Variants in VPS41 observed in about 807,000 individuals in gnomAD.
The protein encoded by VPS41 is VPS41 subunit of HOPS complex.
VPS41 carries 85 observed loss-of-function variants against 130.9 expected under a neutral mutation model. The ratio of observed to expected loss-of-function variants is 0.65; its 90% CI spans 0.55 to 0.78. VPS41 has a LOEUF of 0.78. VPS41 is among the 30% of genes least tolerant of loss of function. VPS41 has a pLI of 0.00. For synonymous variants in VPS41, 335 were observed against 332.9 expected (o/e 1.01, Z -0.07); for missense variants, 874 against 1,018.7 (o/e 0.86, Z 1.93).
rs1795537171 is a variant in VPS41 at position 38,726,175 on chromosome 7, C to G, written c.*71G>C. 1 of 1,054,108 alleles carries G rather than the reference C, an allele frequency of 9.5e-7. No individual in the cohort carries two copies. The highest frequency in any genetic ancestry group is 1.5e-6 in the Non-Finnish European group (1 of 674,376). The allele number at this position is 1,054,108 out of a possible 1,614,324, so 65.3% of individuals were successfully genotyped here. On this transcript the variant is annotated 3_prime_UTR_variant, in exon 29 of 29. Transcript: ENST00000310301. ...AATCTCTTAACAGCACGAGTGTCAACAAATGCTTTTGTTGTTGCAAAAACA... is the reference window on the plus strand; with the variant it reads ...AATCTCTTAACAGCACGAGTGTCAAGAAATGCTTTTGTTGTTGCAAAAACA...
intron 7 of VPS41, among the ~76,000 whole-genome samples, chr7:38,806,999 C>G (rs1784850987): frequency 6.6e-6 from 1 of 152,208 alleles, no homozygotes; most frequent in African/African-American, 2.4e-5. Flanking sequence ...TGAACATTTT[C>G]CAAGTCGTGG....
chr7:38,863,683 G>A (rs1786167691), intron 3 of VPS41, among the ~76,000 whole-genome samples: 1 of 151,958 alleles, frequency 6.6e-6, no homozygotes, highest in South Asian at 2.1e-4. Context: ...CTTTTTTCAG[G>A]AAGAAAAAAG....
intron 4 of VPS41, among the ~76,000 whole-genome samples, chr7:38,856,991 T>C (rs1786001573): frequency 6.6e-6 from 1 of 152,174 alleles, no homozygotes; most frequent in Non-Finnish European, 1.5e-5. Context: ...AGCTAGATAG[T>C]TAGGACTTGA....
At chr7:38,774,548 T>C (rs528526033) in intron 11 of VPS41, among the ~76,000 whole-genome samples, 2 of 150,798 alleles carry the variant, frequency 1.3e-5, no homozygotes, top group African/African-American at 2.4e-5. Context: ...TTGAAACAAC[T>C]GAAAAAAAAT....
At chr7:38,789,040 T>A (rs10951575) in intron 10 of VPS41, among the ~76,000 whole-genome samples, 151,327 of 152,268 alleles carry the variant, frequency 0.99, 75,201 homozygotes, top group African/African-American at 1. Context: ...TTTTCTCAGA[T>A]TAATTTTTTC....
chr7:38,741,053 T>G (rs1208666421), intron 25 of VPS41, among the ~76,000 whole-genome samples: 1 of 152,196 alleles, frequency 6.6e-6, no homozygotes. Flanking sequence ...CTGCAATATC[T>G]TCTCCTTTCC....
chr7:38,839,462 G>A (rs765853889), intron 4 of VPS41, among the ~76,000 whole-genome samples: 38 of 151,964 alleles, frequency 2.5e-4, no homozygotes, highest in Non-Finnish European at 4.7e-4. Flanking sequence ...TCGCTCTGTC[G>A]CACAGGCTGG....
chr7:38,760,528 T>A (rs894661058), intron 17 of VPS41, among the ~76,000 whole-genome samples: 3 of 152,158 alleles, frequency 2.0e-5, no homozygotes, highest in African/African-American at 7.2e-5. Flanking sequence ...CACTGGAATG[T>A]GACCAAGTGC....
chr7:38,900,383 T>C (rs1203583025), intron 1 of VPS41, among the ~76,000 whole-genome samples: 2 of 152,112 alleles, frequency 1.3e-5, no homozygotes, highest in East Asian at 3.8e-4. Context: ...GAGTAGAGAA[T>C]GGCAGACCAC....
At chr7:38,745,068 A>G (rs1357852537) in intron 23 of VPS41, among the ~76,000 whole-genome samples, 1 of 152,178 alleles carries the variant, frequency 6.6e-6, no homozygotes, top group Non-Finnish European at 1.5e-5. Context: ...CATGGTACAA[A>G]AATTGTGACT....
At chr7:38,859,018 G>A (rs1209371378) in intron 4 of VPS41, among the ~76,000 whole-genome samples, 3 of 152,054 alleles carry the variant, frequency 2.0e-5, no homozygotes, top group Admixed American at 1.3e-4. Flanking sequence ...AAATGTGGAG[G>A]TGGAAGACAG....
At chr7:38,810,254 C>A (rs1784916559) in intron 7 of VPS41, among the ~76,000 whole-genome samples, 1 of 152,130 alleles carries the variant, frequency 6.6e-6, no homozygotes, top group Admixed American at 6.5e-5. Flanking sequence ...CCAGACAGAA[C>A]TATAGCCTCC....
intron 4 of VPS41, among the ~76,000 whole-genome samples, chr7:38,834,337 G>A (rs12533017): frequency 0.61 from 92,022 of 151,964 alleles, 28,625 homozygotes; most frequent in East Asian, 0.89. Flanking sequence ...TCCCCTGAGA[G>A]GTCTTAATAT....
At chr7:38,892,342 G>A (rs1325841893) in intron 2 of VPS41, among the ~76,000 whole-genome samples, 2 of 152,138 alleles carry the variant, frequency 1.3e-5, no homozygotes, top group East Asian at 3.9e-4. Flanking sequence ...AAAACTTGAA[G>A]TCTGTGTTTT....
chr7:38,743,238 CAGG>C (rs956575901), intron 24 of VPS41, among the ~76,000 whole-genome samples, 161 bp downstream of exon 24: 2 of 152,168 alleles, frequency 1.3e-5, no homozygotes, highest in Non-Finnish European at 2.9e-5. Context: ...TTTTCCAGCA[CAGG>C]AGGAGTATTG....
chr7:38,801,090 C>T (rs552998339), intron 7 of VPS41, among the ~76,000 whole-genome samples: 17 of 152,176 alleles, frequency 1.1e-4, no homozygotes, highest in African/African-American at 4.1e-4. Flanking sequence ...AGAACTCTGG[C>T]CTCCTTTTGC....
At chr7:38,888,006 C>T (rs186778681) in intron 2 of VPS41, among the ~76,000 whole-genome samples, 3,050 of 152,228 alleles carry the variant, frequency 0.02, 104 homozygotes, top group African/African-American at 0.068. Context: ...ATCAGGCCTG[C>T]ATTACAAGAG....
At chr7:38,780,187 GT>G (rs11349359) in intron 10 of VPS41, among the ~76,000 whole-genome samples, 72,720 of 134,568 alleles carry the variant, frequency 0.54, 19,569 homozygotes, top group East Asian at 0.86. Flanking sequence ...TTTGGTTTTT[GT>G]TTTTTTTTTT....
intron 3 of VPS41, among the ~76,000 whole-genome samples, chr7:38,864,763 C>CT (rs971688594): frequency 3.8e-4 from 55 of 145,288 alleles, no homozygotes; most frequent in South Asian, 8.8e-4. Flanking sequence ...AGTTTTGTTT[C>CT]TTTTTTTTTT....
Sources: allele counts gnomAD v4.1 joint callset (sites outside exome capture counted in the v4.1 genomes callset), GRCh38; gene constraint gnomAD v4.1.1; transcripts MANE v1.5; gene names NCBI Gene and HGNC (gene_info 2026-07-23, HGNC 2026-07-21).